CHST15: variants seen among roughly 807,000 people sequenced by gnomAD.
CHST15 encodes B cell RAG associated protein (GALNAC4S-6ST).
In CHST15, 30 loss-of-function variants were observed where a neutral mutation model predicts 53.6. The ratio of observed to expected loss-of-function variants is 0.56; its 90% CI spans 0.42 to 0.76. The LOEUF is 0.76. CHST15 is among the 30% of genes least tolerant of loss of function. The pLI, the probability that CHST15 is intolerant of heterozygous loss-of-function variation, is 0.00. For missense variants in CHST15, 627 were observed against 740.5 expected, an observed-to-expected ratio of 0.85 and a Z score of 1.78; for synonymous variants, 296 against 289.8, an observed-to-expected ratio of 1.02 and a Z score of -0.22.
intron 1 of CHST15, among the ~76,000 whole-genome samples, chr10:124,089,786 T>C (rs1234567781): frequency 1.3e-5 from 2 of 152,166 alleles, no homozygotes; most frequent in Non-Finnish European, 2.9e-5. Context: ...TCTGGACCAT[T>C]TGTCTGTCTA....
rs536181125 is a variant in CHST15, at chr10:124,053,736, G to A, written c.-512-7012C>T. On this transcript the variant is annotated intron_variant, in intron 1 of 7. Transcript: ENST00000435907. The stretch of plus-strand genomic sequence containing the variant: ...TCATCTAGACCAGCTTGGGCAACAT[G>A]GCAAAACCCTGTCTCCACAAAAAAT... Among the ~76,000 whole-genome samples, 137 of 152,176 alleles carry A rather than the reference G, an allele frequency of 9.0e-4. 2 individuals carry two copies. Among genetic ancestry groups the A allele is most frequent in the Non-Finnish European group, 1.1e-3 (74 of 67,988 alleles).
chr10:124,025,781 A>G (rs1946980307), intron 5 of CHST15, among the ~76,000 whole-genome samples: 1 of 152,202 alleles, frequency 6.6e-6, no homozygotes, highest in South Asian at 2.1e-4. Context: ...GAGAGGACAG[A>G]CAGCACCACA....
chr10:124,011,711 G>T (rs955988770), intron 7 of CHST15: 1 of 985,268 alleles, frequency 1.0e-6, no homozygotes, highest in Non-Finnish European at 1.2e-6. Context: ...AGGCCCCTGG[G>T]GGGGCTGGTA....
chr10:124,045,596 T>C, intron 2 of CHST15, 71 bp downstream of exon 2: 1 of 1,395,714 alleles, frequency 7.2e-7, no homozygotes, highest in South Asian at 1.4e-5. Flanking sequence ...TTCCCAAAGA[T>C]GGTGATAGAA....
intron 1 of CHST15, among the ~76,000 whole-genome samples, chr10:124,087,931 C>T (rs1054679881): frequency 6.6e-6 from 1 of 152,228 alleles, no homozygotes; most frequent in Non-Finnish European, 1.5e-5. Flanking sequence ...GTGTTCTCCT[C>T]GCACAGATGA....
Position 124,036,626 on chromosome 10 carries a change from G to A in CHST15, c.1190+1889C>T, listed in dbSNP as rs1463463885. ...TGGGGGGCAACAATGCAAAGTGAAA[G>A]AAGCAGGACATAAGACTGTCCTGTC... On this transcript the variant is annotated intron_variant, in intron 5 of 7. Coordinates refer to ENST00000435907, the MANE Select transcript of CHST15 (RefSeq NM_001270764.2). The surrounding 1 kb of genome is among the most constrained non-coding windows in gnomAD (Gnocchi z 5.1). 6.6e-6 allele frequency among the ~76,000 whole-genome samples: 1 copy of A among 151,954 alleles called. No homozygotes were observed.
chr10:124,018,191 A>T (rs561505237), intron 6 of CHST15, among the ~76,000 whole-genome samples: 1 of 152,062 alleles, frequency 6.6e-6, no homozygotes, highest in South Asian at 2.1e-4. Flanking sequence ...GGGGTCCTGC[A>T]CCCCCTGACC....
In CHST15 at chr10:124,022,719, T is replaced by C. The variant is rs543862849; in HGVS notation, c.1191-1307A>G. Reference sequence around the variant, plus strand: ...GTCTCCAGCAAGAATCCCATCGGGTTGGTTTAGCCAGAATCCCCACCCCTT... The same window carrying C: ...GTCTCCAGCAAGAATCCCATCGGGTCGGTTTAGCCAGAATCCCCACCCCTT... On this transcript the variant is annotated intron_variant, in intron 5 of 7. Coordinates refer to ENST00000435907, the MANE Select transcript of CHST15 (RefSeq NM_001270764.2). Among the ~76,000 whole-genome samples the C allele has an allele frequency of 2.1e-3, 327 of 152,192 alleles. 7 individuals are homozygous for C. Among genetic ancestry groups the C allele is most frequent in the Admixed American group, 0.02 (305 of 15,280 alleles).
intron 6 of CHST15, 28 bp from the exon 7 acceptor site, chr10:124,012,508 T>TA: frequency 6.3e-7 from 1 of 1,597,216 alleles, no homozygotes; most frequent in Non-Finnish European, 8.6e-7. Flanking sequence ...GGGCATTATT[T>TA]CAGGAGCAGT....
intron 5 of CHST15, among the ~76,000 whole-genome samples, chr10:124,034,627 CCT>C (rs768386051): frequency 1.1e-4 from 16 of 142,004 alleles, no homozygotes; most frequent in East Asian, 6.0e-4. Flanking sequence ...TGGCTTCACC[CCT>C]GATAGGTACC....
chr10:124,010,008 G>T lies in CHST15; in HGVS notation c.*141C>A, dbSNP rs1737200554. ...ACATCACGAAGGAAATTCCAAAATG[G>T]TTATAATTCATGTGTGCCTAGAGTG... On this transcript the variant is annotated 3_prime_UTR_variant, in exon 8 of 8. Transcript: ENST00000435907. 6.6e-7 allele frequency: 1 copy of T among 1,510,290 alleles called. No homozygotes were observed. Among genetic ancestry groups the T allele is most frequent in the African/African-American group, 1.4e-5 (1 of 71,840 alleles). The allele number at this position is 1,510,290 out of a possible 1,614,324, so 93.6% of individuals were successfully genotyped here.
intron 1 of CHST15, among the ~76,000 whole-genome samples, chr10:124,063,710 T>C (rs991707818): frequency 6.6e-6 from 1 of 152,164 alleles, no homozygotes; most frequent in Non-Finnish European, 1.5e-5. Context: ...ATAAATATTA[T>C]AACAAAGGCA....
At chr10:124,018,104 A>G (rs1412965736) in intron 6 of CHST15, among the ~76,000 whole-genome samples, 4 of 152,330 alleles carry the variant, frequency 2.6e-5, no homozygotes, top group Non-Finnish European at 4.4e-5. Flanking sequence ...GGAGGCCCCT[A>G]TCAAAGATGG....
rs147106279 is a variant in CHST15 at position 124,046,488 on chromosome 10, G to A, written c.-276C>T. ...CAACCTCAGAGAAGGTCACAAGTTCGGGAGCAGCTCTGCCTGCCCTTCAGG... is the reference window on the plus strand; with the variant it reads ...CAACCTCAGAGAAGGTCACAAGTTCAGGAGCAGCTCTGCCTGCCCTTCAGG... On this transcript the variant is annotated 5_prime_UTR_variant, in exon 2 of 8. Transcript: ENST00000435907. The A allele has an allele frequency of 2.4e-3, 822 of 345,262 alleles. 3 individuals carry two copies. Among genetic ancestry groups the A allele is most frequent in the Middle Eastern group, 0.012 (16 of 1,338 alleles). The allele number at this position is 345,262 out of a possible 1,614,324, so 21.4% of individuals were successfully genotyped here. A position where few individuals can be genotyped will look rare whatever the true frequency, so the allele number is the denominator to read the frequency against.
chr10:124,008,679 T>C lies in CHST15; in HGVS notation c.*1470A>G. The C allele has an allele frequency of 9.0e-7, 1 of 1,111,710 alleles. No individual in the cohort carries two copies. Among genetic ancestry groups the C allele is most frequent in the South Asian group, 2.1e-5 (1 of 47,514 alleles). 68.9% of individuals were successfully genotyped at this position (1,111,710 alleles called of 1,614,324 possible). On this transcript the variant is annotated 3_prime_UTR_variant, in exon 8 of 8. Coordinates refer to ENST00000435907, the MANE Select transcript of CHST15 (RefSeq NM_001270764.2). ...TCCTACCCCCGAAGCCTGGTCTGTC[T>C]CACACATACAAGTTAGAGCTGGGTA...
intron 5 of CHST15, among the ~76,000 whole-genome samples, chr10:124,034,667 G>C (rs1212036063): frequency 7.0e-5 from 10 of 142,974 alleles, no homozygotes; most frequent in Non-Finnish European, 1.4e-4. Flanking sequence ...AGGGACCCCG[G>C]CTCTACCCCC....
chr10:124,052,973 C>T (rs796131113), intron 1 of CHST15, among the ~76,000 whole-genome samples: 80 of 152,188 alleles, frequency 5.3e-4, no homozygotes, highest in African/African-American at 1.9e-3. Context: ...GCAGAGGTTG[C>T]AGTGAGCCAA....
At chr10:124,010,765 G>A (rs1011028067) in intron 7 of CHST15, 59 of 985,306 alleles carry the variant, frequency 6.0e-5, no homozygotes, top group Middle Eastern at 5.2e-4. Flanking sequence ...CGCCATCATC[G>A]TTTCTACTTC....
intron 1 of CHST15, among the ~76,000 whole-genome samples, chr10:124,092,836 T>G (rs770771269): frequency 3.9e-5 from 6 of 152,170 alleles, no homozygotes; most frequent in Non-Finnish European, 2.9e-5. Flanking sequence ...AAAGCACTGG[T>G]CTGTCCGTCG....
Sources: allele counts gnomAD v4.1 joint callset (sites outside exome capture counted in the v4.1 genomes callset), GRCh38; gene constraint gnomAD v4.1.1; non-coding constraint Gnocchi (gnomAD v3.1); transcripts MANE v1.5; gene names NCBI Gene and HGNC (gene_info 2026-07-23, HGNC 2026-07-21).